Variants in APC observed in about 807,000 individuals in gnomAD.
APC encodes the protein adenomatous polyposis coli protein.
Under a neutral mutation model 247.0 loss-of-function variants are expected in APC, and 72 were observed. The ratio of observed to expected loss-of-function variants is 0.29; its 90% CI spans 0.24 to 0.35. APC has a LOEUF of 0.35. Ranked by LOEUF, APC falls within the 10% of genes least tolerant of loss-of-function variation. The pLI is 1.00. For missense variants in APC, 3,400 were observed against 3,360.7 expected, an observed-to-expected ratio of 1.01 and a Z score of -0.29; for synonymous variants, 1,254 against 1,162.5, an observed-to-expected ratio of 1.08 and a Z score of -1.60.
In APC at chr5:112,839,336, A is replaced by C. The variant is rs2149898167; in HGVS notation, c.3742A>C (p.Thr1248Pro). The change falls in exon 16 of 16, where the codon ACT becomes CCT. Residue 1248 changes from threonine (T) to proline (P), a missense_variant. Transcript: ENST00000257430. The surrounding 1 kb of genome is among the most constrained non-coding windows in gnomAD (Gnocchi z 5.0). ...AAGTGGTCAGCCTCAAAAGGCTGCC[A>C]CTTGCAAAGTTTCTTCTATTAACCA... ...SRSGQPQKAA[T>P]CKVSSINQET... 6.2e-7 allele frequency: 1 copy of C among 1,613,180 alleles called. No homozygotes were observed. The highest frequency in any genetic ancestry group is 8.5e-7 in the Non-Finnish European group (1 of 1,179,574).
At chr5:112,760,748 T>A (rs559702412) in intron 2 of APC, among the ~76,000 whole-genome samples, 1 of 152,038 alleles carries the variant, frequency 6.6e-6, no homozygotes, top group South Asian at 2.1e-4. Context: ...AGAGACACAC[T>A]CAAGGAACTG....
Position 112,707,744 on chromosome 5 carries a change from G to T in APC, c.27G>T (p.Pro9=), listed in dbSNP as rs761592349. Residue 9 remains proline, a synonymous_variant, in exon 1 of 14, where the codon CCG becomes CCT. Coordinates refer to the APC transcript ENST00000507379. ...TGTACGCCTCCCTGGGCTCGGGTCC[G>T]GTCGCCCCTTTGCCCGCTTCTGTAC... The T allele has an allele frequency of 1.5e-6, 2 of 1,370,628 alleles. No homozygotes were observed. The highest frequency in any genetic ancestry group is 1.9e-6 in the Non-Finnish European group (2 of 1,038,776). The allele number at this position is 1,370,628 out of a possible 1,614,324, so 84.9% of individuals were successfully genotyped here. A position where few individuals can be genotyped will look rare whatever the true frequency, so the allele number is the denominator to read the frequency against.
At chr5:112,764,064 C>T (rs1227481075) in intron 2 of APC, among the ~76,000 whole-genome samples, 7 of 144,706 alleles carry the variant, frequency 4.8e-5, no homozygotes, top group East Asian at 2.1e-4. Flanking sequence ...GGTGAAACCC[C>T]GTCTCTACTA....
At position 112,707,927 on chromosome 5, in the gene APC, C is replaced by T. The variant is rs1165667801; in HGVS notation, c.165+45C>T. 3.8e-6 allele frequency: 5 copies of T among 1,315,694 alleles called. No homozygotes were observed. The African/African-American group carries it at 7.3e-5, about 19-fold the overall frequency. 81.5% of individuals were successfully genotyped at this position (1,315,694 alleles called of 1,614,324 possible). ...TTGACGTCTCCTCCCGGCAAAGCTT[C>T]CTCGGCTTTGCCCCGCCGCTGCTCG... On this transcript the variant is annotated intron_variant, in intron 1 of 13. Coordinates refer to the APC transcript ENST00000507379.
intron 1 of APC, among the ~76,000 whole-genome samples, 182 bp from the exon 2 acceptor site, chr5:112,754,691 C>G (rs886673013): frequency 3.3e-5 from 5 of 152,100 alleles, no homozygotes; most frequent in African/African-American, 1.2e-4. Flanking sequence ...ACTAAGACTC[C>G]ACTGTTTCAT....
chr5:112,758,209 T>C (rs893668312), intron 2 of APC, among the ~76,000 whole-genome samples: 1 of 152,260 alleles, frequency 6.6e-6, no homozygotes, highest in Non-Finnish European at 1.5e-5. Context: ...TTAGATGATA[T>C]GAAATCAGAT....
chr5:112,830,500 T>G (rs767602714), intron 14 of APC, among the ~76,000 whole-genome samples: 1 of 152,222 alleles, frequency 6.6e-6, no homozygotes, highest in Admixed American at 6.5e-5. Flanking sequence ...TGGCAGTGTT[T>G]TTAAGTTAAA....
At chr5:112,827,391 A>G in intron 12 of APC, 144 bp downstream of exon 12, 2 of 935,454 alleles carry the variant, frequency 2.1e-6, no homozygotes, top group African/African-American at 3.3e-5. Context: ...ACATTCGCTT[A>G]TCTTTACTCA....
rs766947421 is a variant in APC, at chr5:112,843,268, T to G, written c.7674T>G (p.Leu2558=). Residue 2558 remains leucine (L), a synonymous_variant, in exon 16 of 16, where the codon CTT becomes CTG. Coordinates refer to ENST00000257430, the MANE Select transcript of APC (RefSeq NM_000038.6). The surrounding 1 kb of genome is among the most constrained non-coding windows in gnomAD (Gnocchi z 4.8). ...KREHSKHSSS[L]PRVSTWRRTG... is the part of the protein sequence containing the mutation. ...AGCACAGCAAACATTCATCATCCCT[T>G]CCTCGAGTAAGCACTTGGAGAAGAA... 6.2e-6 allele frequency: 10 copies of G among 1,613,642 alleles called. No individual in the cohort carries two copies. Among genetic ancestry groups the G allele is most frequent in the Non-Finnish European group, 8.5e-6 (10 of 1,179,566 alleles).
chr5:112,799,406 A>G (rs1366589443), intron 7 of APC, among the ~76,000 whole-genome samples: 3 of 151,152 alleles, frequency 2.0e-5, no homozygotes, highest in Non-Finnish European at 4.4e-5. Flanking sequence ...CTCTTCCTCC[A>G]CTCCCCATAT....
intron 2 of APC, among the ~76,000 whole-genome samples, chr5:112,761,333 C>T (rs1253268001): frequency 6.6e-6 from 1 of 152,052 alleles, no homozygotes; most frequent in Non-Finnish European, 1.5e-5. Context: ...AGATGATCCA[C>T]ATGTTGCAGT....
chr5:112,822,282 T>C (rs1763227060), intron 11 of APC, among the ~76,000 whole-genome samples: 1 of 152,182 alleles, frequency 6.6e-6, no homozygotes, highest in Non-Finnish European at 1.5e-5. Context: ...TTTGTCCCTT[T>C]TGCCAAAGTA....
chr5:112,764,115 G>A (rs1755990284), intron 2 of APC, among the ~76,000 whole-genome samples: 1 of 151,880 alleles, frequency 6.6e-6, no homozygotes, highest in African/African-American at 2.4e-5. Context: ...GCGTGGTGGC[G>A]GGAGCCTGTA....
chr5:112,752,383 A>T (rs886697335), intron 1 of APC, among the ~76,000 whole-genome samples: 3 of 152,124 alleles, frequency 2.0e-5, no homozygotes, highest in African/African-American at 4.8e-5. Context: ...AATTTCTTAC[A>T]TTACTTGTAA....
intron 11 of APC, among the ~76,000 whole-genome samples, chr5:112,824,949 G>T (rs1763493402): frequency 6.6e-6 from 1 of 152,058 alleles, no homozygotes; most frequent in African/African-American, 2.4e-5. Context: ...CTCAATTTGA[G>T]TTTTTTCCCT....
intron 11 of APC, among the ~76,000 whole-genome samples, chr5:112,824,497 C>G (rs1354209711): frequency 3.9e-5 from 6 of 152,080 alleles, no homozygotes; most frequent in African/African-American, 1.4e-4. Flanking sequence ...CTGTTGATAT[C>G]TGCCACATTC....
chr5:112,777,533 ATAC>A (rs1757794286), intron 5 of APC: 1 of 160,370 alleles, frequency 6.2e-6, no homozygotes, highest in Admixed American at 6.5e-5. Flanking sequence ...AACTCTCCCA[ATAC>A]TACTTTCAAA....
chr5:112,812,398 A>G (rs1762076236), intron 8 of APC, among the ~76,000 whole-genome samples: 1 of 152,194 alleles, frequency 6.6e-6, no homozygotes, highest in African/African-American at 2.4e-5. Context: ...CCTGAGTCTC[A>G]GTCCCTCAGA....
At position 112,707,640 on chromosome 5, in the gene APC, C is replaced by G. The variant is rs953008592; in HGVS notation, c.-78C>G. On this transcript the variant is annotated 5_prime_UTR_variant, in exon 1 of 14. Transcript: ENST00000507379. ...GCTGCGGACCGAGGTTGGCTCGATG[C>G]TGTTCCCAGGTACTGTTGTTGGCTG... 2 of 1,350,676 alleles carry G rather than the reference C, an allele frequency of 1.5e-6. No homozygotes were observed. Among genetic ancestry groups the G allele is most frequent in the Admixed American group, 2.2e-5 (1 of 45,748 alleles). The allele number at this position is 1,350,676 out of a possible 1,614,324, so 83.7% of individuals were successfully genotyped here. A position where few individuals can be genotyped will look rare whatever the true frequency, so the allele number is the denominator to read the frequency against.
Sources: gnomAD v4.1 joint callset for allele counts (sites outside exome capture counted in the v4.1 genomes callset) on GRCh38, gnomAD v4.1.1 for gene constraint, Gnocchi (gnomAD v3.1) non-coding constraint, MANE v1.5 for transcripts, NCBI Gene and HGNC (gene_info 2026-07-23, HGNC 2026-07-21) for gene names.